SH3TC1: variants seen among roughly 807,000 people sequenced by gnomAD.
SH3TC1 encodes SH3 domain and tetratricopeptide repeat-containing protein 1.
SH3TC1 carries 135 observed loss-of-function variants against 117.3 expected under a neutral mutation model. The observed-to-expected ratio is 1.15, with a 90% CI of 1.00 to 1.33. The LOEUF is 1.33. Among genes scored for constraint, SH3TC1 ranks in the 40% most tolerant of loss-of-function variants. The probability of loss-of-function intolerance (pLI) is 0.00; values close to 1 mark genes in which losing one functional copy is unlikely to be tolerated. For missense variants in SH3TC1, 2,092 were observed against 1,794.3 expected (o/e 1.17, Z -3.00); for synonymous variants, 898 against 816.9 (o/e 1.10, Z -1.69).
intron 1 of SH3TC1, among the ~76,000 whole-genome samples, chr4:8,204,165 G>A (rs548941763): frequency 1.8e-4 from 28 of 152,330 alleles, no homozygotes; most frequent in African/African-American, 6.5e-4. Context: ...CTGCAGAGGG[G>A]ATGTTTGCTG....
chr4:8,211,900 G>C (rs1437547058), intron 3 of SH3TC1, among the ~76,000 whole-genome samples: 1 of 152,150 alleles, frequency 6.6e-6, no homozygotes, highest in East Asian at 1.9e-4. Context: ...CCAGAGTAGG[G>C]CCGATGGGTC....
chr4:8,205,295 C>G lies in SH3TC1; in HGVS notation c.101C>G (p.Thr34Ser), dbSNP rs1346110954. 3.9e-6 allele frequency: 6 copies of G among 1,550,480 alleles called. No individual in the cohort carries two copies. The highest frequency in any genetic ancestry group is 4.4e-6 in the Non-Finnish European group (5 of 1,147,008). The change falls in exon 2 of 18, where the codon ACT becomes AGT. Residue 34 changes from threonine (T) to serine (S), a missense_variant. By Grantham distance (58) the Thr-to-Ser change is moderately conservative. Transcript: ENST00000245105. The surrounding 1 kb of genome is among the most constrained non-coding windows in gnomAD (Gnocchi z 5.4). Reference sequence around the variant, plus strand: ...GGCAGCACCCGGGACCAGGTCCGGACTGTGGTCATGAGGCCCTCTGTGAGC... The same window carrying G: ...GGCAGCACCCGGGACCAGGTCCGGAGTGTGGTCATGAGGCCCTCTGTGAGC... Reference protein sequence around the residue: ...GGGSTRDQVRTVVMRPSVSWE... With the variant: ...GGGSTRDQVRSVVMRPSVSWE...
chr4:8,239,491 G>A (rs1030356230), intron 17 of SH3TC1, among the ~76,000 whole-genome samples: 3 of 143,426 alleles, frequency 2.1e-5, no homozygotes, highest in Non-Finnish European at 4.5e-5. Flanking sequence ...GGCACACACA[G>A]GCACACGCAA....
In SH3TC1 at chr4:8,235,561, C is replaced by A. The variant is rs779725868; in HGVS notation, c.3405+6C>A. On this transcript the variant is annotated splice_donor_region_variant and intron_variant, in intron 15 of 17. Transcript: ENST00000245105. ...AAGCTGTGTCCTTCTACCGGGTGAGCTGGCCTGTGGGCTGATGTGGGTGGG... is the reference window on the plus strand; with the variant it reads ...AAGCTGTGTCCTTCTACCGGGTGAGATGGCCTGTGGGCTGATGTGGGTGGG... 1.3e-6 allele frequency: 2 copies of A among 1,590,372 alleles called. No homozygotes were observed. The highest frequency in any genetic ancestry group is 2.7e-5 in the African/African-American group (2 of 74,152).
intron 13 of SH3TC1, chr4:8,232,855 T>G: frequency 8.0e-7 from 1 of 1,253,816 alleles, no homozygotes. Context: ...AGCCATGTTC[T>G]CAAAGTGTGG....
At chr4:8,230,532 G>T (rs775346512) in intron 12 of SH3TC1, among the ~76,000 whole-genome samples, 16 of 151,904 alleles carry the variant, frequency 1.1e-4, no homozygotes, top group Non-Finnish European at 2.2e-4. Context: ...CCCACCTTTG[G>T]GTCTGTTGAT....
intron 17 of SH3TC1, among the ~76,000 whole-genome samples, chr4:8,237,948 G>A (rs940829692): frequency 6.6e-5 from 10 of 152,182 alleles, no homozygotes; most frequent in African/African-American, 2.4e-4. Flanking sequence ...GTAGTCAGGG[G>A]GGCCCTCCTG....
intron 7 of SH3TC1, 154 bp from the exon 8 acceptor site, chr4:8,218,115 CAT>C (rs370484830): frequency 0.025 from 11,357 of 460,470 alleles, 11 homozygotes; most frequent in Non-Finnish European, 0.033. Context: ...CCTGGGCAGG[CAT>C]GTGTGTGTGT....
At chr4:8,233,210 C>T (rs1435112480) in intron 13 of SH3TC1, 153 bp from the exon 14 acceptor site, 2 of 1,414,862 alleles carry the variant, frequency 1.4e-6, no homozygotes, top group Admixed American at 3.2e-5. Flanking sequence ...CAACCCCACC[C>T]TCTCAGCAGC....
intron 12 of SH3TC1, chr4:8,231,268 T>G (rs1721179355): frequency 6.6e-6 from 1 of 152,470 alleles, no homozygotes; most frequent in Non-Finnish European, 1.5e-5. Context: ...TTGGTCTCAG[T>G]CCTTTTCCAT....
intron 7 of SH3TC1, among the ~76,000 whole-genome samples, chr4:8,217,731 T>C (rs547071953): frequency 6.6e-6 from 1 of 152,376 alleles, no homozygotes; most frequent in African/African-American, 2.4e-5. Flanking sequence ...ATCCTTCCTA[T>C]GTGCTCTGGC....
At position 8,205,002 on chromosome 4, in the gene SH3TC1, G is replaced by A. The variant is rs546647675; in HGVS notation, c.-28-165G>A. 81 of 469,854 alleles carry A rather than the reference G, an allele frequency of 1.7e-4. No individual in the cohort carries two copies. Among genetic ancestry groups the A allele is most frequent in the African/African-American group, 1.1e-3 (55 of 49,892 alleles). The allele number at this position is 469,854 out of a possible 1,614,324, so 29.1% of individuals were successfully genotyped here. ...AGGCGCAGCAGCGGTGCGGGATCAC[G>A]CCCACCACAACACGGTGCACGGTGC... is the stretch of plus-strand genomic sequence containing the variant. On this transcript the variant is annotated intron_variant, in intron 1 of 17. Transcript: ENST00000245105. This position sits in a 1 kb window ranked among gnomAD's most constrained non-coding sequence, Gnocchi z 5.4.
upstream of SH3TC1, among the ~76,000 whole-genome samples, chr4:8,198,579 G>T (rs188659072): frequency 6.6e-6 from 1 of 152,238 alleles, no homozygotes; most frequent in Admixed American, 6.5e-5. Flanking sequence ...GCGAGATTAC[G>T]TGCTTTGGCC....
rs752352025 is a variant in SH3TC1, at chr4:8,217,145, G to C, written c.817G>C (p.Glu273Gln). 5.0e-6 allele frequency: 8 copies of C among 1,610,622 alleles called. No individual in the cohort carries two copies. The Admixed American group carries it at 1.3e-4, about 27-fold the overall frequency. The change falls in exon 7 of 18, where the codon GAG becomes CAG. Residue 273 changes from glutamate (E) to glutamine (Q), a missense_variant. Physicochemically the swap from Glu to Gln is conservative, Grantham distance 29. Coordinates refer to ENST00000245105, the MANE Select transcript of SH3TC1 (RefSeq NM_018986.5). ...SEEVAVAAAP[E>Q]PLIPFHQWAL... is the part of the protein sequence containing the mutation. ...GGAGGTGGCAGTGGCGGCCGCCCCG[G>C]AGCCTTTGATTCCATTTCATCAGTA...
intron 13 of SH3TC1, chr4:8,232,379 C>T: frequency 6.3e-7 from 1 of 1,584,808 alleles, no homozygotes; most frequent in East Asian, 2.3e-5. Flanking sequence ...GACACGTCTT[C>T]CCATCCCTGC....
In SH3TC1 at chr4:8,236,075, G is replaced by A. The variant is rs967847971; in HGVS notation, c.3406-203G>A. 22 of 619,094 alleles carry A rather than the reference G, an allele frequency of 3.6e-5. No individual in the cohort carries two copies. The East Asian group carries it at 5.3e-4, about 15-fold the overall frequency. The allele number at this position is 619,094 out of a possible 1,614,324, so 38.4% of individuals were successfully genotyped here. On this transcript the variant is annotated intron_variant, in intron 15 of 17. Coordinates refer to ENST00000245105, the MANE Select transcript of SH3TC1 (RefSeq NM_018986.5). ...CGGGAGGGGCTGGTTTGAGGCTGCC[G>A]GGTGTAGCTGGATGGGCCTCAGGTG...
Position 8,227,803 on chromosome 4 carries a change from C to G in SH3TC1, c.2109C>G (p.Ala703=). The G allele has an allele frequency of 6.2e-7, 1 of 1,612,774 alleles. No homozygotes were observed. Among genetic ancestry groups the G allele is most frequent in the East Asian group, 2.2e-5 (1 of 44,884 alleles). The change falls in exon 12 of 18, where the codon GCC becomes GCG. Residue 703 remains alanine (A), a synonymous_variant. Coordinates refer to ENST00000245105, the MANE Select transcript of SH3TC1 (RefSeq NM_018986.5). ...ACAGGGACTCGGGAGCCCCAGAGGC[C>G]GCGTGGCTCTCAGACTGCTACCTAC... The part of the protein sequence containing the change: ...LLHRDSGAPE[A]AWLSDCYLLL...
In SH3TC1 at chr4:8,216,958, G is replaced by A. The variant is rs572575282; in HGVS notation, c.630G>A (p.Gly210=). 6 of 1,614,078 alleles carry A rather than the reference G, an allele frequency of 3.7e-6. No individual in the cohort carries two copies. In the Admixed American group the frequency reaches 5.0e-5, roughly 13 times the overall value. ...LTHESLLIQE[G]PFFVLCPDHH... ...GTGACCACCTCCATCCTTTTGAAGG[G>A]CCCTTCTTTGTCCTGTGTCCTGACC... The change falls in exon 7 of 18, where the codon GGG becomes GGA. Residue 210 remains glycine, a splice_region_variant and synonymous_variant. Coordinates refer to ENST00000245105, the MANE Select transcript of SH3TC1 (RefSeq NM_018986.5).
At chr4:8,236,856 C>T (rs1721866226) in intron 16 of SH3TC1, 1 of 171,306 alleles carries the variant, frequency 5.8e-6, no homozygotes, top group African/African-American at 2.4e-5. Flanking sequence ...CCGGGCATCC[C>T]CCGGTGCTGT....
Sources: gnomAD v4.1 joint callset for allele counts (sites outside exome capture counted in the v4.1 genomes callset) on GRCh38, gnomAD v4.1.1 for gene constraint, Gnocchi (gnomAD v3.1) non-coding constraint, MANE v1.5 for transcripts, NCBI Gene and HGNC (gene_info 2026-07-23, HGNC 2026-07-21) for gene names.